Variants in USP28 observed in about 807,000 individuals in gnomAD.
USP28 encodes the protein ubiquitin carboxyl-terminal hydrolase 28.
USP28 carries 113 observed loss-of-function variants against 145.0 expected under a neutral mutation model. That is an observed-to-expected ratio of 0.78 (90% CI 0.67 to 0.91). USP28 has a LOEUF of 0.91. Ranked by LOEUF, USP28 falls within the 40% of genes least tolerant of loss-of-function variation. The probability of loss-of-function intolerance (pLI) is 0.00; values close to 1 mark genes in which losing one functional copy is unlikely to be tolerated. For synonymous variants in USP28, 447 were observed against 450.9 expected (o/e 0.99, Z 0.11); for missense variants, 1,201 against 1,289.6 (o/e 0.93, Z 1.05).
intron 14 of USP28, 36 bp downstream of exon 14, chr11:113,815,138 A>C: frequency 1.3e-6 from 2 of 1,591,802 alleles, no homozygotes; most frequent in East Asian, 4.5e-5. Context: ...AAACAGAAAA[A>C]GCAAAGAGTA....
At chr11:113,856,550 TACAAA>T (rs1947066656) in intron 1 of USP28, among the ~76,000 whole-genome samples, 1 of 152,146 alleles carries the variant, frequency 6.6e-6, no homozygotes, top group African/African-American at 2.4e-5. Flanking sequence ...ACGCCTGTCC[TACAAA>T]AAGCTGAGGC....
chr11:113,833,666 A>C, intron 6 of USP28, 109 bp from the exon 7 acceptor site: 1 of 1,106,880 alleles, frequency 9.0e-7, no homozygotes, highest in Admixed American at 2.5e-5. Flanking sequence ...ATTTACCTAG[A>C]TCTAGGTCAA....
In USP28 at chr11:113,817,413, T is replaced by G. The variant is rs1053081886; in HGVS notation, c.1463+245A>C. ...AAACAAGGCATCACTGGGTGGAGCC[T>G]GAACACTATCCTGAACAGTTTGAGA... On this transcript the variant is annotated intron_variant, in intron 13 of 24. Transcript: ENST00000003302. Among the ~76,000 whole-genome samples, 3 of 152,312 alleles carry G rather than the reference T, an allele frequency of 2.0e-5. No individual in the cohort carries two copies. In the East Asian group the frequency reaches 5.8e-4, roughly 29 times the overall value.
chr11:113,800,068 C>T (rs1030106529), intron 24 of USP28, among the ~76,000 whole-genome samples: 1 of 151,296 alleles, frequency 6.6e-6, no homozygotes, highest in Admixed American at 6.6e-5. Context: ...TGCAGTGGCG[C>T]CATCTTTGCT....
chr11:113,826,940 A>C (rs1943434486), intron 11 of USP28, among the ~76,000 whole-genome samples: 1 of 151,658 alleles, frequency 6.6e-6, no homozygotes, highest in African/African-American at 2.4e-5. Flanking sequence ...AAAAACAAAA[A>C]TTCTATAATG....
intron 5 of USP28, among the ~76,000 whole-genome samples, chr11:113,834,609 G>A (rs999228958): frequency 1.3e-5 from 2 of 152,000 alleles, no homozygotes; most frequent in Non-Finnish European, 2.9e-5. Context: ...GTAGAGACAG[G>A]GTCTCCCTAT....
At chr11:113,845,023 G>A (rs141056888) in intron 3 of USP28, among the ~76,000 whole-genome samples, 19 of 152,014 alleles carry the variant, frequency 1.2e-4, no homozygotes, top group African/African-American at 4.1e-4. Flanking sequence ...GGGAGGCTGA[G>A]GTGGGAGGAT....
chr11:113,861,675 C>T (rs925478141), intron 1 of USP28, among the ~76,000 whole-genome samples: 5 of 152,312 alleles, frequency 3.3e-5, no homozygotes, highest in Admixed American at 2.0e-4. Flanking sequence ...CCAGGGGCTA[C>T]TACCATTAAC....
intron 1 of USP28, among the ~76,000 whole-genome samples, chr11:113,856,781 C>T (rs915207438): frequency 6.6e-6 from 1 of 152,048 alleles, no homozygotes; most frequent in Non-Finnish European, 1.5e-5. Context: ...GGAGCAATCT[C>T]GGCTCACTGC....
At chr11:113,808,035 C>T (rs1333289418) in intron 18 of USP28, 7 of 1,272,946 alleles carry the variant, frequency 5.5e-6, no homozygotes, top group Non-Finnish European at 7.0e-6. Context: ...CAGAATTAGG[C>T]TGGGCAGTAG....
intron 3 of USP28, among the ~76,000 whole-genome samples, chr11:113,844,938 C>G (rs773626474): frequency 4.0e-5 from 6 of 151,230 alleles, no homozygotes; most frequent in Non-Finnish European, 8.8e-5. Flanking sequence ...AACCTTGCCT[C>G]TAAAAAAAAT....
At position 113,804,660 on chromosome 11, in the gene USP28, G is replaced by A. The variant is rs1235363509; in HGVS notation, c.2658+13C>T. The A allele has an allele frequency of 3.1e-6, 5 of 1,607,342 alleles. No individual in the cohort carries two copies. Among genetic ancestry groups the A allele is most frequent in the Non-Finnish European group, 4.2e-6 (5 of 1,178,258 alleles). On this transcript the variant is annotated intron_variant, in intron 21 of 24. Transcript: ENST00000003302. The stretch of plus-strand genomic sequence containing the variant: ...AATGTTTTTGCTCTATAGACTTAAA[G>A]AAAACACTTTACCTTGTACTCTTCC...
chr11:113,834,164 G>T lies in USP28; in HGVS notation c.621+85C>A, dbSNP rs74535269. 3.6e-3 allele frequency: 3,458 copies of T among 960,164 alleles called. 69 individuals are homozygous for T. In the East Asian group the frequency reaches 0.051, roughly 14 times the overall value. The allele number at this position is 960,164 out of a possible 1,614,324, so 59.5% of individuals were successfully genotyped here. On this transcript the variant is annotated intron_variant, in intron 6 of 24. Coordinates refer to ENST00000003302, the Ensembl canonical transcript of USP28. ...TTAGCACAAGCCAAAGAGTATCACG[G>T]ATATCAGCTTTAGGCAAAAATCTAG...
chr11:113,839,306 G>A (rs762090500), intron 5 of USP28, among the ~76,000 whole-genome samples: 3 of 152,128 alleles, frequency 2.0e-5, no homozygotes, highest in Non-Finnish European at 4.4e-5. Flanking sequence ...AACTGATTGT[G>A]GGGCATGGTG....
At chr11:113,851,866 C>T (rs1946492988) in intron 3 of USP28, among the ~76,000 whole-genome samples, 1 of 148,496 alleles carries the variant, frequency 6.7e-6, no homozygotes, top group South Asian at 2.1e-4. Context: ...TGTCCTTTTT[C>T]TCCATGGTAT....
chr11:113,854,166 T>C, intron 2 of USP28, 92 bp downstream of exon 2: 1 of 1,197,556 alleles, frequency 8.4e-7, no homozygotes, highest in Non-Finnish European at 1.2e-6. Context: ...ATATGTGCTT[T>C]AATTTGGGAA....
intron 18 of USP28, 49 bp from the exon 20 acceptor site, chr11:113,806,633 TCAG>T: frequency 7.5e-7 from 1 of 1,340,766 alleles, no homozygotes; most frequent in South Asian, 1.4e-5. Context: ...GAAGAAAGGT[TCAG>T]CAGAAGACTG....
At position 113,850,380 on chromosome 11, in the gene USP28, G is replaced by GTA. The variant is rs1230169958; in HGVS notation, c.268+2119_268+2120dup. 1.1e-4 allele frequency among the ~76,000 whole-genome samples: 16 copies of GTA among 152,254 alleles called. No individual in the cohort carries two copies. In the East Asian group the frequency reaches 2.3e-3, roughly 22 times the overall value. On this transcript the variant is annotated intron_variant, in intron 3 of 24. Transcript: ENST00000003302. ...TCAATCAACAAATACATACAATGTG[G>GTA]TATATATTCAGACCATGGAATACTA...
intron 16 of USP28, among the ~76,000 whole-genome samples, chr11:113,811,286 G>A (rs1045862367): frequency 2.0e-5 from 3 of 152,130 alleles, no homozygotes; most frequent in African/African-American, 7.2e-5. Context: ...AGAAATAAAA[G>A]TTTGAAAGCA....
Sources: allele counts gnomAD v4.1 joint callset (sites outside exome capture counted in the v4.1 genomes callset), GRCh38; gene constraint gnomAD v4.1.1; transcripts MANE v1.5; gene names NCBI Gene and HGNC (gene_info 2026-07-23, HGNC 2026-07-21).